The following PALLD variants were observed in gnomAD, a reference collection of about 807,000 sequenced individuals.
PALLD encodes the protein palladin.
In PALLD, 61 loss-of-function variants were observed where a neutral mutation model predicts 123.5. The ratio of observed to expected loss-of-function variants is 0.49; its 90% confidence interval spans 0.40 to 0.61. The LOEUF (loss-of-function observed/expected upper bound fraction) is 0.61. PALLD is among the 20% of genes least tolerant of loss of function. The pLI is 0.00. For missense variants in PALLD, 1,273 were observed against 1,377.0 expected, an observed-to-expected ratio of 0.92 and a Z score of 1.20; for synonymous variants, 465 against 496.4, an observed-to-expected ratio of 0.94 and a Z score of 0.84.
chr4:168,542,126 G>A (rs10033614), intron 2 of PALLD, among the ~76,000 whole-genome samples: 111,382 of 152,062 alleles, frequency 0.73, 41,095 homozygotes, highest in East Asian at 0.85. Context: ...TGTTATCCAC[G>A]TTTTGCAAGT....
At chr4:168,630,598 G>A (rs142102266) in intron 2 of PALLD, among the ~76,000 whole-genome samples, 9 of 151,990 alleles carry the variant, frequency 5.9e-5, no homozygotes, top group Non-Finnish European at 1.0e-4. Flanking sequence ...TTCTATTTCC[G>A]GAACGCATTT....
chr4:168,709,566 GGAAGGAAGGA>G (rs1784570888), intron 9 of PALLD, among the ~76,000 whole-genome samples: 23 of 692 alleles, frequency 0.033, 2 homozygotes, highest in East Asian at 0.12. Context: ...AAGGAAGGAA[GGAAGGAAGGA>G]AGGAAGGAAG....
At chr4:168,598,164 T>C (rs1297699670) in intron 2 of PALLD, 1 of 268,924 alleles carries the variant, frequency 3.7e-6, no homozygotes, top group Non-Finnish European at 7.9e-6. Context: ...ATACACCCTG[T>C]ATCTGTAAAA....
chr4:168,781,780 G>A (rs565222865), intron 10 of PALLD, among the ~76,000 whole-genome samples: 2 of 152,208 alleles, frequency 1.3e-5, no homozygotes, highest in South Asian at 2.1e-4. Context: ...ACAGAAGCCC[G>A]GAACAAGACT....
chr4:168,631,507 T>C (rs1375945560), intron 2 of PALLD: 3 of 613,662 alleles, frequency 4.9e-6, no homozygotes, highest in Non-Finnish European at 6.1e-6. Context: ...AAGGGAGTTA[T>C]TTCTGGAGTT....
chr4:168,676,180 CT>C (rs201246079), intron 3 of PALLD, among the ~76,000 whole-genome samples: 74 of 149,570 alleles, frequency 4.9e-4, no homozygotes, highest in South Asian at 6.4e-4. Flanking sequence ...CTCTTTTGAA[CT>C]TTTTTTTTTA....
chr4:168,656,553 T>G (rs1778589880), intron 2 of PALLD, among the ~76,000 whole-genome samples: 1 of 152,188 alleles, frequency 6.6e-6, no homozygotes, highest in Non-Finnish European at 1.5e-5. Context: ...ATTTTTTAGT[T>G]GCTCTTGCAA....
chr4:168,499,599 A>G (rs1025806036), intron 1 of PALLD, among the ~76,000 whole-genome samples: 1 of 152,056 alleles, frequency 6.6e-6, no homozygotes, highest in African/African-American at 2.4e-5. Flanking sequence ...ACTTTTTTTC[A>G]AAAATTACAA....
intron 8 of PALLD, among the ~76,000 whole-genome samples, chr4:168,696,977 A>G (rs4425335): frequency 0.36 from 55,054 of 152,134 alleles, 11,505 homozygotes; most frequent in African/African-American, 0.58. Flanking sequence ...ATTGCACAAC[A>G]TATGGAATAA....
intron 2 of PALLD, among the ~76,000 whole-genome samples, chr4:168,647,538 T>C (rs1777587715): frequency 6.6e-6 from 1 of 152,114 alleles, no homozygotes; most frequent in Admixed American, 6.6e-5. Flanking sequence ...CCCAGCACTT[T>C]GGGAGGCCAA....
intron 2 of PALLD, among the ~76,000 whole-genome samples, chr4:168,535,053 G>A (rs1052146302): frequency 1.3e-5 from 2 of 152,200 alleles, no homozygotes; most frequent in African/African-American, 4.8e-5. Context: ...TTACATAGCA[G>A]TCATCATATT....
chr4:168,880,242 A>T (rs1174273434), intron 10 of PALLD, among the ~76,000 whole-genome samples: 1 of 152,240 alleles, frequency 6.6e-6, no homozygotes, highest in Non-Finnish European at 1.5e-5. Context: ...ACAGTGACTC[A>T]TTTTATGGAG....
chr4:168,511,822 A>G lies in PALLD; in HGVS notation c.318A>G (p.Ala106=). ...GGTCAACACCTGTCCAGCCTCTGGC[A>G]GAGAAACAAACTAAGAGTATCTCTT... The part of the protein sequence containing the change: ...DNRSTPVQPL[A]EKQTKSISSP... The change falls in exon 2 of 22, where the codon GCA becomes GCG. Residue 106 remains alanine (A), a synonymous_variant. Coordinates refer to ENST00000505667, the MANE Select transcript of PALLD (RefSeq NM_001166108.2). The G allele has an allele frequency of 6.2e-7, 1 of 1,614,216 alleles. No homozygotes were observed. Among genetic ancestry groups the G allele is most frequent in the East Asian group, 2.2e-5 (1 of 44,878 alleles).
chr4:168,807,639 C>A (rs1454136345), intron 10 of PALLD, among the ~76,000 whole-genome samples: 1 of 151,702 alleles, frequency 6.6e-6, no homozygotes, highest in Non-Finnish European at 1.5e-5. Flanking sequence ...AAACTCCTGA[C>A]CTCAGGTGAT....
intron 10 of PALLD, among the ~76,000 whole-genome samples, chr4:168,761,847 TG>T (rs1205385736): frequency 6.6e-6 from 1 of 151,870 alleles, no homozygotes; most frequent in African/African-American, 2.4e-5. Flanking sequence ...GCATTCTTTT[TG>T]CTTCCCTCAT....
rs564156397 is a variant in PALLD, at chr4:168,527,122, A to T, written c.908+14710A>T. ...ACTCACAATAACAAACATATACGCG[A>T]CAGCAATCCTTCCGAGGTGACACGA... On this transcript the variant is annotated intron_variant, in intron 2 of 21. Coordinates refer to ENST00000505667, the MANE Select transcript of PALLD (RefSeq NM_001166108.2). Among the ~76,000 whole-genome samples, 14 of 152,240 alleles carry T rather than the reference A, an allele frequency of 9.2e-5. No individual in the cohort carries two copies. The East Asian group carries it at 2.7e-3, about 29-fold the overall frequency.
At chr4:168,738,361 C>T (rs1257278110) in intron 10 of PALLD, among the ~76,000 whole-genome samples, 2 of 152,058 alleles carry the variant, frequency 1.3e-5, no homozygotes, top group Non-Finnish European at 2.9e-5. Context: ...ATGTAGCAAG[C>T]GTTAAGAAGA....
intron 10 of PALLD, among the ~76,000 whole-genome samples, chr4:168,848,174 A>T (rs956777564): frequency 1.1e-4 from 1 of 9,520 alleles, no homozygotes; most frequent in Non-Finnish European, 2.7e-4. Flanking sequence ...ACCCCACCCC[A>T]CCCCTGGGCA....
At chr4:168,895,122 G>T (rs751250718) in intron 12 of PALLD, among the ~76,000 whole-genome samples, 7 of 152,214 alleles carry the variant, frequency 4.6e-5, no homozygotes, top group Non-Finnish European at 7.3e-5. Flanking sequence ...AGTGGCTCAT[G>T]CCTGTAATTG....
Sources: allele counts gnomAD v4.1 joint callset (sites outside exome capture counted in the v4.1 genomes callset), GRCh38; gene constraint gnomAD v4.1.1; transcripts MANE v1.5; gene names NCBI Gene and HGNC (gene_info 2026-07-23, HGNC 2026-07-21).